Variants in MAST2 observed in about 807,000 individuals in gnomAD.
MAST2 encodes the protein microtubule-associated serine/threonine-protein kinase 2.
In MAST2, 70 loss-of-function variants were observed where a neutral mutation model predicts 147.4. That is an observed-to-expected ratio of 0.47 (90% CI 0.39 to 0.58). The LOEUF (loss-of-function observed/expected upper bound fraction) is 0.58. MAST2 is among the 20% of genes least tolerant of loss of function. The probability of loss-of-function intolerance (pLI) is 0.00; values close to 1 mark genes in which losing one functional copy is unlikely to be tolerated. For missense variants in MAST2, 2,080 were observed against 2,302.3 expected (o/e 0.90, Z 1.98); for synonymous variants, 869 against 896.8 (o/e 0.97, Z 0.55).
intron 4 of MAST2, among the ~76,000 whole-genome samples, chr1:45,898,090 C>A (rs1468295941): frequency 6.6e-6 from 1 of 152,064 alleles, no homozygotes; most frequent in East Asian, 1.9e-4. Context: ...GCCTGGGCGA[C>A]AGAGTGAGAC....
chr1:46,017,938 C>T (rs746412717), intron 10 of MAST2, among the ~76,000 whole-genome samples: 36 of 152,234 alleles, frequency 2.4e-4, no homozygotes, highest in Non-Finnish European at 4.0e-4. Flanking sequence ...ATTTACTACT[C>T]AATCTTCTGC....
At position 46,011,837 on chromosome 1, in the gene MAST2, A is replaced by C. The variant is rs188423497; in HGVS notation, c.1188+898A>C. 1.2e-4 allele frequency among the ~76,000 whole-genome samples: 19 copies of C among 152,326 alleles called. No individual in the cohort carries two copies. In the East Asian group the frequency reaches 3.5e-3, roughly 28 times the overall value. Reference sequence around the variant, plus strand: ...GGGAGTTTAAACAAATTTTCAGAGAACAGTTGAATCTAGAGAAAGGGTGAC... The same window carrying C: ...GGGAGTTTAAACAAATTTTCAGAGACCAGTTGAATCTAGAGAAAGGGTGAC... On this transcript the variant is annotated intron_variant, in intron 10 of 28. Coordinates refer to ENST00000361297, the MANE Select transcript of MAST2 (RefSeq NM_015112.3).
chr1:45,974,683 T>C (rs1644062673), intron 5 of MAST2, among the ~76,000 whole-genome samples: 1 of 152,156 alleles, frequency 6.6e-6, no homozygotes, highest in South Asian at 2.1e-4. Flanking sequence ...ATACAGTCTT[T>C]TAAAAGGATG....
chr1:46,034,301 C>T, intron 28 of MAST2, 35 bp downstream of exon 28: 1 of 1,577,912 alleles, frequency 6.3e-7, no homozygotes, highest in Non-Finnish European at 8.6e-7. Flanking sequence ...GTGACAACCC[C>T]TGGGAAATAG....
In MAST2 at chr1:46,030,593, C is replaced by A; in HGVS notation, c.2554-14C>A. On this transcript the variant is annotated splice_polypyrimidine_tract_variant and intron_variant, in intron 21 of 28. Transcript: ENST00000361297. ...TGCCAGAGCCCATCCCCAGCGCATC[C>A]CCTGTGCCCACAGGTGTACAGCAGC... 6.3e-7 allele frequency: 1 copy of A among 1,594,904 alleles called. No homozygotes were observed. Among genetic ancestry groups the A allele is most frequent in the Non-Finnish European group, 8.5e-7 (1 of 1,174,398 alleles).
chr1:45,882,502 C>G, intron 4 of MAST2, 107 bp downstream of exon 4: 2 of 862,878 alleles, frequency 2.3e-6, no homozygotes, highest in Non-Finnish European at 3.7e-6. Context: ...TACACAATTT[C>G]TTTCTGTGTA....
At chr1:45,902,035 G>A (rs1482193388) in intron 4 of MAST2, among the ~76,000 whole-genome samples, 1 of 152,194 alleles carries the variant, frequency 6.6e-6, no homozygotes, top group South Asian at 2.1e-4. Context: ...AGTAGTGGGA[G>A]TGGACATCCT....
chr1:46,020,277 C>T (rs551888984), intron 11 of MAST2, among the ~76,000 whole-genome samples: 2 of 152,210 alleles, frequency 1.3e-5, no homozygotes, highest in South Asian at 4.2e-4. Flanking sequence ...CCCTGGGGGA[C>T]GTGAGGCTTA....
chr1:45,845,302 AT>A (rs1162823924), intron 3 of MAST2, among the ~76,000 whole-genome samples: 1 of 152,192 alleles, frequency 6.6e-6, no homozygotes, highest in Non-Finnish European at 1.5e-5. Context: ...TATACAAAAA[AT>A]ATCAGTGCTA....
At chr1:46,012,555 TC>T (rs1645758244) in intron 10 of MAST2, among the ~76,000 whole-genome samples, 1 of 152,152 alleles carries the variant, frequency 6.6e-6, no homozygotes, top group Admixed American at 6.5e-5. Context: ...TTCTCTCACT[TC>T]CACTGACTGC....
At chr1:45,960,476 T>A (rs1660263073) in intron 5 of MAST2, among the ~76,000 whole-genome samples, 1 of 152,074 alleles carries the variant, frequency 6.6e-6, no homozygotes, top group Non-Finnish European at 1.5e-5. Flanking sequence ...CACTCCAGCC[T>A]GGGCAGCAAC....
chr1:45,961,362 A>G (rs756990643), intron 5 of MAST2, among the ~76,000 whole-genome samples: 10 of 152,242 alleles, frequency 6.6e-5, no homozygotes, highest in Non-Finnish European at 1.0e-4. Context: ...TAACATGTCT[A>G]GACCTTGTAT....
In MAST2 at chr1:46,030,670, C is replaced by T. The variant is rs749351302; in HGVS notation, c.2617C>T (p.Arg873Cys). 1.2e-5 allele frequency: 20 copies of T among 1,611,316 alleles called. No homozygotes were observed. Among genetic ancestry groups the T allele is most frequent in the Non-Finnish European group, 1.4e-5 (17 of 1,179,198 alleles). ...EERRTPPPTK[R>C]SLSEEKEDHS... Reference sequence around the variant, plus strand: ...GCGCCGGACACCACCCCCGACCAAGCGCAGCCTGAGTGAGGAGAAGGAGGA... The same window carrying T: ...GCGCCGGACACCACCCCCGACCAAGTGCAGCCTGAGTGAGGAGAAGGAGGA... The change falls in exon 22 of 29, where the codon CGC becomes TGC. Residue 873 changes from arginine to cysteine, a missense_variant. Around this residue, in one of 4 missense-constraint regions of MAST2, gnomAD observed 1,278 missense variants for 1,304.2 expected, o/e 0.98. Transcript: ENST00000361297.
intron 4 of MAST2, among the ~76,000 whole-genome samples, chr1:45,957,226 G>A (rs61785585): frequency 5.3e-5 from 8 of 152,274 alleles, no homozygotes; most frequent in Non-Finnish European, 1.2e-4. Context: ...TTCATCCATT[G>A]TGTGAATCAA....
At chr1:45,882,012 T>TAAAA (rs71062722) in intron 3 of MAST2, among the ~76,000 whole-genome samples, 3,850 of 39,782 alleles carry the variant, frequency 0.097, 567 homozygotes, top group Non-Finnish European at 0.13. Flanking sequence ...CCGTCTCTAC[T>TAAAA]AAAAAAAAAA....
chr1:45,810,559 C>T (rs1033197293), intron 1 of MAST2, among the ~76,000 whole-genome samples: 3 of 151,992 alleles, frequency 2.0e-5, no homozygotes, highest in African/African-American at 7.3e-5. Flanking sequence ...CGCCTGTAAT[C>T]CCAGCACTTT....
intron 4 of MAST2, among the ~76,000 whole-genome samples, chr1:45,928,900 A>C (rs889925061): frequency 6.6e-6 from 1 of 150,756 alleles, no homozygotes; most frequent in Non-Finnish European, 1.5e-5. Flanking sequence ...ACTTTCCCAC[A>C]TTCTGGATTT....
At chr1:45,882,165 C>G (rs1007380320) in intron 3 of MAST2, among the ~76,000 whole-genome samples, 199 bp from the exon 4 acceptor site, 2 of 147,954 alleles carry the variant, frequency 1.4e-5, no homozygotes, top group African/African-American at 5.0e-5. Flanking sequence ...GCACTCCAGC[C>G]TGGGAGACAA....
intron 2 of MAST2, 61 bp from the exon 3 acceptor site, chr1:45,829,377 AT>A (rs1194304291): frequency 4.8e-6 from 7 of 1,465,618 alleles, no homozygotes; most frequent in Admixed American, 1.9e-5. Flanking sequence ...CTGTATTTGT[AT>A]TTTTTCATTT....
Sources: gnomAD v4.1 joint callset for allele counts (sites outside exome capture counted in the v4.1 genomes callset) on GRCh38, gnomAD v4.1.1 for gene constraint, gnomAD v4.1.1 regional missense constraint, MANE v1.5 for transcripts, NCBI Gene and HGNC (gene_info 2026-07-23, HGNC 2026-07-21) for gene names.